GYPE: variants seen among roughly 807,000 people sequenced by gnomAD.
GYPE encodes the protein glycophorin-E.
Under a neutral mutation model 11.6 loss-of-function variants are expected in GYPE, and 8 were observed. That is an observed-to-expected ratio of 0.69 (90% CI 0.41 to 1.25). The LOEUF (loss-of-function observed/expected upper bound fraction) is 1.25. GYPE is among the 50% of genes most tolerant of loss of function. The probability of loss-of-function intolerance (pLI) is 0.01; values close to 1 mark genes in which losing one functional copy is unlikely to be tolerated. For synonymous variants in GYPE, 28 were observed against 29.6 expected (o/e 0.94, Z 0.18); for missense variants, 90 against 92.8 (o/e 0.97, Z 0.12).
intron 1 of GYPE, among the ~76,000 whole-genome samples, chr4:143,904,130 C>T (rs1343885293): frequency 1.3e-5 from 2 of 151,826 alleles, no homozygotes; most frequent in Non-Finnish European, 2.9e-5. Flanking sequence ...TGTTTTCTTT[C>T]TGTAATTTTC....
chr4:143,900,043 A>G (rs1170654105), intron 1 of GYPE, among the ~76,000 whole-genome samples: 1 of 140,568 alleles, frequency 7.1e-6, no homozygotes, highest in Admixed American at 7.5e-5. Context: ...TGCAAATAGT[A>G]TATCGGATAA....
chr4:143,903,314 C>G (rs540413324), intron 1 of GYPE, among the ~76,000 whole-genome samples: 1 of 151,396 alleles, frequency 6.6e-6, no homozygotes, highest in Non-Finnish European at 1.5e-5. Flanking sequence ...CATTTTTCTT[C>G]CTGCCCTGGG....
chr4:143,895,694 G>T (rs541424398), intron 1 of GYPE, among the ~76,000 whole-genome samples: 3 of 139,710 alleles, frequency 2.1e-5, no homozygotes, highest in Non-Finnish European at 4.7e-5. Context: ...AGCCCGCATT[G>T]CCAAGTCAAT....
intron 3 of GYPE, chr4:143,873,256 G>A (rs1237845373): frequency 3.9e-5 from 12 of 305,292 alleles, no homozygotes; most frequent in Admixed American, 1.9e-4. Flanking sequence ...GCTTTGCTAG[G>A]CCTAGAAAAA....
chr4:143,890,379 C>T (rs996380430), intron 1 of GYPE, among the ~76,000 whole-genome samples: 1 of 152,196 alleles, frequency 6.6e-6, no homozygotes, highest in Non-Finnish European at 1.5e-5. Context: ...TGTAGCTGAA[C>T]TTCACACACA....
chr4:143,895,012 A>C (rs1744569072), intron 1 of GYPE, among the ~76,000 whole-genome samples: 1 of 152,230 alleles, frequency 6.6e-6, no homozygotes, highest in African/African-American at 2.4e-5. Flanking sequence ...ATCTCAAAAT[A>C]ATAACAGCAA....
chr4:143,878,533 T>C, intron 2 of GYPE: 3 of 416,788 alleles, frequency 7.2e-6, no homozygotes, highest in South Asian at 5.7e-5. Flanking sequence ...GTTAACAACA[T>C]ATGCTCTTCT....
intron 1 of GYPE, among the ~76,000 whole-genome samples, chr4:143,901,007 T>C (rs1365154155): frequency 6.6e-6 from 1 of 152,216 alleles, no homozygotes; most frequent in Non-Finnish European, 1.5e-5. Context: ...TTTTAAAAAT[T>C]AAGTGTATGT....
intron 1 of GYPE, among the ~76,000 whole-genome samples, chr4:143,902,343 A>G (rs1157602601): frequency 1.0e-4 from 1 of 9,868 alleles, no homozygotes; most frequent in Non-Finnish European, 2.9e-4. Flanking sequence ...GATCCCTGAA[A>G]AAAAAAAAAA....
At chr4:143,880,840 G>GGT (rs1405478963) in intron 1 of GYPE, among the ~76,000 whole-genome samples, 2 of 152,060 alleles carry the variant, frequency 1.3e-5, no homozygotes, top group Non-Finnish European at 2.9e-5. Flanking sequence ...ATGTGTATGT[G>GGT]GTGTGTGTGT....
chr4:143,901,881 G>C (rs966166168), intron 1 of GYPE, among the ~76,000 whole-genome samples: 26 of 151,864 alleles, frequency 1.7e-4, no homozygotes, highest in African/African-American at 4.4e-4. Context: ...CCTCTATTCA[G>C]ACCTTTTCTG....
At chr4:143,889,728 GATA>G (rs1262992189) in intron 1 of GYPE, among the ~76,000 whole-genome samples, 4 of 152,098 alleles carry the variant, frequency 2.6e-5, no homozygotes, top group African/African-American at 9.7e-5. Flanking sequence ...GTATGTCTAA[GATA>G]ATAATATTTG....
intron 1 of GYPE, among the ~76,000 whole-genome samples, chr4:143,904,950 T>G (rs1027014191): frequency 5.3e-5 from 8 of 151,978 alleles, no homozygotes; most frequent in African/African-American, 1.9e-4. Context: ...CCAGTAAGAG[T>G]TGTTTTTGTT....
intron 1 of GYPE, among the ~76,000 whole-genome samples, chr4:143,885,194 G>A (rs988019995): frequency 2.0e-5 from 3 of 151,994 alleles, no homozygotes; most frequent in African/African-American, 7.3e-5. Flanking sequence ...AAAAGAATAT[G>A]GCAAAGAACC....
chr4:143,899,930 C>A (rs1744798752), intron 1 of GYPE, among the ~76,000 whole-genome samples: 1 of 17,604 alleles, frequency 5.7e-5, no homozygotes, highest in African/African-American at 7.0e-5. Context: ...AAAGCGTAAG[C>A]AACAAAAGAA....
intron 1 of GYPE, among the ~76,000 whole-genome samples, chr4:143,903,545 A>AAAG (rs1270200493): frequency 2.7e-4 from 38 of 142,326 alleles, no homozygotes; most frequent in African/African-American, 9.3e-4. Context: ...AAAAAAAAGA[A>AAAG]AAAAAAAGAA....
chr4:143,872,904 G>C (rs1202400294), intron 3 of GYPE, among the ~76,000 whole-genome samples: 1 of 152,228 alleles, frequency 6.6e-6, no homozygotes, highest in African/African-American at 2.4e-5. Flanking sequence ...GGCCAGGTGA[G>C]CTGAGCATGT....
chr4:143,892,297 G>A (rs1369111806), intron 1 of GYPE, among the ~76,000 whole-genome samples: 1 of 151,568 alleles, frequency 6.6e-6, no homozygotes, highest in Non-Finnish European at 1.5e-5. Context: ...GGTTTTTTGT[G>A]TCTCTATTTC....
At chr4:143,881,026 A>G (rs955190197) in intron 1 of GYPE, among the ~76,000 whole-genome samples, 3 of 152,144 alleles carry the variant, frequency 2.0e-5, no homozygotes, top group Non-Finnish European at 2.9e-5. Context: ...TCTGTCCCAT[A>G]TCTCAGTGTC....
Sources: allele counts gnomAD v4.1 joint callset (sites outside exome capture counted in the v4.1 genomes callset), GRCh38; gene constraint gnomAD v4.1.1; transcripts MANE v1.5; gene names NCBI Gene and HGNC (gene_info 2026-07-23, HGNC 2026-07-21).